Variants in VAV3 observed in about 807,000 individuals in gnomAD.
The protein encoded by VAV3 is guanine nucleotide exchange factor VAV3.
A neutral mutation model predicts 131.2 loss-of-function variants in VAV3; 94 were observed. That is an observed-to-expected ratio of 0.72 (90% CI 0.61 to 0.85). The LOEUF (loss-of-function observed/expected upper bound fraction) is 0.85. Ranked by LOEUF, VAV3 falls within the 40% of genes least tolerant of loss-of-function variation. The pLI is 0.00. For synonymous variants in VAV3, 349 were observed against 342.0 expected (o/e 1.02, Z -0.22); for missense variants, 939 against 1,002.7 (o/e 0.94, Z 0.86).
At chr1:107,856,801 C>T (rs1336339053) in intron 2 of VAV3, among the ~76,000 whole-genome samples, 2 of 151,930 alleles carry the variant, frequency 1.3e-5, no homozygotes, top group African/African-American at 4.8e-5. Flanking sequence ...CTTTGGGAGG[C>T]GGAGGCTGGA....
chr1:107,868,481 A>G (rs1456345346), intron 2 of VAV3, among the ~76,000 whole-genome samples: 1 of 152,130 alleles, frequency 6.6e-6, no homozygotes, highest in East Asian at 1.9e-4. Flanking sequence ...TTTCACAAAG[A>G]TAGACAGGTA....
At chr1:107,611,595 C>CG (rs1652730955) in intron 21 of VAV3, among the ~76,000 whole-genome samples, 1 of 50,794 alleles carries the variant, frequency 2.0e-5, no homozygotes, top group Admixed American at 2.8e-4. Context: ...CCATAGAGAA[C>CG]CAAAAAAAAA....
chr1:107,791,117 T>C lies in VAV3; in HGVS notation c.322-11625A>G, dbSNP rs183892116. On this transcript the variant is annotated intron_variant, in intron 2 of 26. Coordinates refer to ENST00000370056, the MANE Select transcript of VAV3 (RefSeq NM_006113.5). ...TGTGGCAAAAATGGACACCAAAATATATACCTCCTAACTCTGGGCATGTTT... is the reference window on the plus strand; with the variant it reads ...TGTGGCAAAAATGGACACCAAAATACATACCTCCTAACTCTGGGCATGTTT... Among the ~76,000 whole-genome samples, 293 of 152,226 alleles carry C rather than the reference T, an allele frequency of 1.9e-3. 4 individuals are homozygous for C. Among genetic ancestry groups the C allele is most frequent in the African/African-American group, 6.6e-3 (274 of 41,550 alleles).
intron 2 of VAV3, among the ~76,000 whole-genome samples, chr1:107,811,643 G>A (rs1667322873): frequency 6.6e-6 from 1 of 151,964 alleles, no homozygotes. Flanking sequence ...TTCGATAACT[G>A]GAATTCATAA....
chr1:107,604,008 A>G (rs1039294227), intron 22 of VAV3, among the ~76,000 whole-genome samples: 1 of 145,956 alleles, frequency 6.9e-6, no homozygotes, highest in Non-Finnish European at 1.5e-5. Context: ...GGCCTTAAAC[A>G]TACAGAAACT....
intron 17 of VAV3, among the ~76,000 whole-genome samples, chr1:107,698,389 A>AGT (rs1659876606): frequency 6.6e-6 from 1 of 152,224 alleles, no homozygotes; most frequent in Non-Finnish European, 1.5e-5. Context: ...CAAACAATAC[A>AGT]GTGTACTGTG....
chr1:107,704,779 G>A, intron 16 of VAV3, 129 bp from the exon 17 acceptor site: 1 of 956,764 alleles, frequency 1.0e-6, no homozygotes, highest in Non-Finnish European at 1.6e-6. Flanking sequence ...AGGGAGACGA[G>A]CTTGCCAGAG....
intron 26 of VAV3, 66 bp from the exon 27 acceptor site, chr1:107,573,438 AAC>A (rs1408829207): frequency 6.3e-7 from 1 of 1,595,020 alleles, no homozygotes; most frequent in South Asian, 1.1e-5. Context: ...GGATTCTACA[AAC>A]AGAGTATTTT....
intron 2 of VAV3, among the ~76,000 whole-genome samples, chr1:107,864,600 G>T (rs886066816): frequency 2.0e-5 from 3 of 152,216 alleles, no homozygotes; most frequent in Non-Finnish European, 4.4e-5. Flanking sequence ...TCCAGCCTAG[G>T]CATGGAGGGT....
In VAV3 at chr1:107,755,440, G is replaced by A; in HGVS notation, c.1160C>T (p.Ser387Phe). The change falls in exon 12 of 27, where the codon TCT (serine) becomes TTT (phenylalanine). Residue 387 changes from serine (S) to phenylalanine (F), a missense_variant. Coordinates refer to ENST00000370056, the MANE Select transcript of VAV3 (RefSeq NM_006113.5). ...TLREIKQFQL[S>F]IENLNQPVLL... ...ATAATTACATACCAAATTCTCTATA[G>A]ATAGCTGAAACTGTTTAATTTCACG... is the stretch of plus-strand genomic sequence containing the variant. 6.2e-7 allele frequency: 1 copy of A among 1,611,896 alleles called. No individual in the cohort carries two copies. Among genetic ancestry groups the A allele is most frequent in the South Asian group, 1.1e-5 (1 of 90,994 alleles).
At chr1:107,769,912 T>A (rs1164874933) in intron 6 of VAV3, among the ~76,000 whole-genome samples, 4 of 152,230 alleles carry the variant, frequency 2.6e-5, no homozygotes, top group Non-Finnish European at 4.4e-5. Context: ...TCATCTCGAT[T>A]AACACAATTT....
chr1:107,925,625 A>G (rs1367733207), intron 1 of VAV3, among the ~76,000 whole-genome samples: 1 of 152,144 alleles, frequency 6.6e-6, no homozygotes, highest in Non-Finnish European at 1.5e-5. Flanking sequence ...TATCTAGTGT[A>G]GTCAAATGCA....
chr1:107,826,860 C>T (rs1044939869), intron 2 of VAV3, among the ~76,000 whole-genome samples: 7 of 151,792 alleles, frequency 4.6e-5, no homozygotes, highest in South Asian at 4.2e-4. Context: ...AATGTCAGCC[C>T]GAGTCTATAT....
intron 3 of VAV3, among the ~76,000 whole-genome samples, chr1:107,778,675 A>T (rs1252494978): frequency 6.6e-6 from 1 of 152,128 alleles, no homozygotes; most frequent in African/African-American, 2.4e-5. Flanking sequence ...GACACAGAAA[A>T]ATGGCTGTGA....
intron 2 of VAV3, among the ~76,000 whole-genome samples, chr1:107,809,804 CATT>C (rs1160911266): frequency 6.6e-6 from 1 of 152,160 alleles, no homozygotes; most frequent in African/African-American, 2.4e-5. Flanking sequence ...ATAATCCAAA[CATT>C]ATGACACTGA....
chr1:107,645,214 T>C (rs1007836991), intron 19 of VAV3, among the ~76,000 whole-genome samples: 13 of 152,154 alleles, frequency 8.5e-5, no homozygotes, highest in South Asian at 4.1e-4. Context: ...ACTAGGACAT[T>C]GTCATTAACC....
Position 107,749,693 on chromosome 1 carries a change from T to C in VAV3, c.1260-99A>G, listed in dbSNP as rs1013674220. The C allele has an allele frequency of 4.4e-6, 6 of 1,367,450 alleles. No individual in the cohort carries two copies. Among genetic ancestry groups the C allele is most frequent in the Admixed American group, 2.5e-5 (1 of 40,814 alleles). The allele number at this position is 1,367,450 out of a possible 1,614,324, so 84.7% of individuals were successfully genotyped here. A position where few individuals can be genotyped will look rare whatever the true frequency, so the allele number is the denominator to read the frequency against. On this transcript the variant is annotated intron_variant, in intron 13 of 26. Transcript: ENST00000370056. The stretch of plus-strand genomic sequence containing the variant: ...GCAACCAAATGTTTTTTTCTTTGCA[T>C]TAAAGACAACAGGTAGTATCATACA...
intron 20 of VAV3, among the ~76,000 whole-genome samples, chr1:107,622,096 C>T (rs917242226): frequency 1.3e-5 from 2 of 152,042 alleles, no homozygotes; most frequent in Non-Finnish European, 2.9e-5. Flanking sequence ...TGCCTTTTTC[C>T]TGAAAAGCAA....
intron 1 of VAV3, among the ~76,000 whole-genome samples, chr1:107,880,062 T>C (rs1023797234): frequency 6.6e-6 from 1 of 152,234 alleles, no homozygotes; most frequent in Non-Finnish European, 1.5e-5. Flanking sequence ...ATCCAGACTC[T>C]ATACTCAAAG....
Sources: allele counts gnomAD v4.1 joint callset (sites outside exome capture counted in the v4.1 genomes callset), GRCh38; gene constraint gnomAD v4.1.1; transcripts MANE v1.5; gene names NCBI Gene and HGNC (gene_info 2026-07-23, HGNC 2026-07-21).